SMIM14: variants seen among roughly 807,000 people sequenced by gnomAD.
SMIM14 encodes the protein chromosome 4 open reading frame 34.
In SMIM14, 5 loss-of-function variants were observed where a neutral mutation model predicts 12.6. The observed-to-expected ratio is 0.40, with a 90% CI of 0.21 to 0.83. The LOEUF (loss-of-function observed/expected upper bound fraction) is 0.83, where lower values mean the gene tolerates loss of function less well. Ranked by LOEUF, SMIM14 falls within the 40% of genes least tolerant of loss-of-function variation. The probability of loss-of-function intolerance (pLI) is 0.37; values close to 1 mark genes in which losing one functional copy is unlikely to be tolerated. For missense variants in SMIM14, 86 were observed against 119.1 expected, an observed-to-expected ratio of 0.72 and a Z score of 1.29; for synonymous variants, 30 against 40.1, an observed-to-expected ratio of 0.75 and a Z score of 0.95.
At chr4:39,580,980 T>G (rs1713464972) in intron 2 of SMIM14, among the ~76,000 whole-genome samples, 1 of 152,120 alleles carries the variant, frequency 6.6e-6, no homozygotes, top group South Asian at 2.1e-4. Context: ...CCCACAGAAT[T>G]TTTTCACATC....
Position 39,579,855 on chromosome 4 carries a change from AAAAG to A in SMIM14, c.76-7396_76-7393del, listed in dbSNP as rs1328955058. On this transcript the variant is annotated intron_variant, in intron 2 of 4. Coordinates refer to ENST00000295958, the MANE Select transcript of SMIM14 (RefSeq NM_174921.3). ...TGAGACTCCGTCTCAAAAAAAAAAA[AAAAG>A]AAAGAAAGCCTTGGCAGTCATGGGC... is the stretch of plus-strand genomic sequence containing the variant. 2.2e-3 allele frequency among the ~76,000 whole-genome samples: 327 copies of A among 151,352 alleles called. 1 individual carries two copies. The highest frequency in any genetic ancestry group is 7.6e-3 in the African/African-American group (315 of 41,290).
chr4:39,607,281 A>G (rs545633937), intron 1 of SMIM14, among the ~76,000 whole-genome samples: 1 of 152,386 alleles, frequency 6.6e-6, no homozygotes, highest in East Asian at 1.9e-4. Context: ...TTTATCAATT[A>G]TATCTCAATA....
At chr4:39,561,569 A>G (rs374836097) in intron 3 of SMIM14, among the ~76,000 whole-genome samples, 2 of 152,134 alleles carry the variant, frequency 1.3e-5, no homozygotes, top group African/African-American at 4.8e-5. Flanking sequence ...AGAGAGTTAA[A>G]CCTCAGATTC....
At chr4:39,593,767 CAGAG>C (rs1425595697) in intron 2 of SMIM14, 4 of 152,090 alleles carry the variant, frequency 2.6e-5, no homozygotes, top group African/African-American at 9.7e-5. Context: ...AACAGACAAA[CAGAG>C]AGCCAAATCA....
rs1711696986 is a variant in SMIM14 at position 39,551,399 on chromosome 4, TAA to T, written c.*725_*726del. 1 of 152,666 alleles carries T rather than the reference TAA, an allele frequency of 6.6e-6. No individual in the cohort carries two copies. The highest frequency in any genetic ancestry group is 1.9e-4 in the East Asian group (1 of 5,200). The allele number at this position is 152,666 out of a possible 1,614,324, so 9.5% of individuals were successfully genotyped here. A position where few individuals can be genotyped will look rare whatever the true frequency, so the allele number is the denominator to read the frequency against. On this transcript the variant is annotated 3_prime_UTR_variant, in exon 5 of 5. Transcript: ENST00000295958. ...TGTTGAGTGGCTTACAAATGTCATA[TAA>T]TGGACTGTAAATCATCTGCCATATT...
intron 1 of SMIM14, among the ~76,000 whole-genome samples, chr4:39,634,837 A>G (rs1476432660): frequency 4.1e-5 from 6 of 146,198 alleles, no homozygotes; most frequent in Admixed American, 1.3e-4. Flanking sequence ...TTTCCATGGG[A>G]AAAAAAAATG....
chr4:39,557,346 T>C (rs1216140549), intron 3 of SMIM14, among the ~76,000 whole-genome samples: 1 of 152,152 alleles, frequency 6.6e-6, no homozygotes, highest in Non-Finnish European at 1.5e-5. Context: ...TTTTTAGTAG[T>C]GACGACGTCT....
chr4:39,568,975 T>A (rs16995404), intron 3 of SMIM14, among the ~76,000 whole-genome samples: 16,072 of 152,200 alleles, frequency 0.11, 1,865 homozygotes, highest in African/African-American at 0.29. Context: ...CAGGAATGAC[T>A]ATATTTGGTT....
At chr4:39,611,966 C>G (rs150765471) in intron 1 of SMIM14, 1 of 151,970 alleles carries the variant, frequency 6.6e-6, no homozygotes, top group Non-Finnish European at 1.5e-5. Context: ...ATCTGCTTGC[C>G]TGAGCTAAGG....
intron 2 of SMIM14, among the ~76,000 whole-genome samples, chr4:39,579,138 G>A (rs1342743112): frequency 6.6e-6 from 1 of 152,088 alleles, no homozygotes; most frequent in Non-Finnish European, 1.5e-5. Context: ...GCCGGGTGCA[G>A]TGGCTCATCC....
intron 2 of SMIM14, among the ~76,000 whole-genome samples, chr4:39,576,869 G>A (rs1218101110): frequency 1.3e-5 from 2 of 149,600 alleles, no homozygotes; most frequent in African/African-American, 2.4e-5. Flanking sequence ...CTGCCATCAC[G>A]CCCGGCTAAT....
intron 1 of SMIM14, among the ~76,000 whole-genome samples, chr4:39,615,545 A>G (rs1715187980): frequency 6.6e-6 from 1 of 152,132 alleles, no homozygotes; most frequent in Admixed American, 6.6e-5. Flanking sequence ...TGACTTTTCA[A>G]TGTTAGGTTC....
chr4:39,631,916 T>TAA lies in SMIM14; in HGVS notation c.-36+6821_-36+6822dup, dbSNP rs780586359. Among the ~76,000 whole-genome samples, 152 of 138,824 alleles carry TAA rather than the reference T, an allele frequency of 1.1e-3. No homozygotes were observed. The Middle Eastern group carries it at 0.026, about 24-fold the overall frequency. 91.1% of individuals were successfully genotyped at this position (138,824 alleles called of 152,430 possible). On this transcript the variant is annotated intron_variant, in intron 1 of 4. Coordinates refer to ENST00000295958, the MANE Select transcript of SMIM14 (RefSeq NM_174921.3). ...ACACATCTGTGCTTTGGCCTAAATT[T>TAA]AAAAAAAAAAAAAGGAAATGAAAAT...
At chr4:39,610,880 C>G (rs1361285881) in intron 1 of SMIM14, among the ~76,000 whole-genome samples, 1 of 151,868 alleles carries the variant, frequency 6.6e-6, no homozygotes, top group Non-Finnish European at 1.5e-5. Context: ...ACATACATAA[C>G]TACAAGAAGA....
intron 1 of SMIM14, among the ~76,000 whole-genome samples, chr4:39,638,004 A>G (rs1407943162): frequency 1.3e-5 from 2 of 152,092 alleles, no homozygotes; most frequent in Non-Finnish European, 2.9e-5. Flanking sequence ...AAAACATCCT[A>G]CCGACTCTCT....
At chr4:39,624,403 T>A (rs1179449736) in intron 1 of SMIM14, among the ~76,000 whole-genome samples, 1 of 152,162 alleles carries the variant, frequency 6.6e-6, no homozygotes, top group Non-Finnish European at 1.5e-5. Flanking sequence ...GGAAGTCACA[T>A]TGTAAAATCC....
intron 2 of SMIM14, among the ~76,000 whole-genome samples, chr4:39,575,776 G>A (rs926838856): frequency 1.7e-5 from 2 of 119,642 alleles, no homozygotes; most frequent in Non-Finnish European, 3.5e-5. Flanking sequence ...TTGTATTTTT[G>A]TAGAGATGGG....
intron 1 of SMIM14, among the ~76,000 whole-genome samples, chr4:39,607,934 G>A (rs934838915): frequency 6.6e-6 from 1 of 152,122 alleles, no homozygotes; most frequent in Non-Finnish European, 1.5e-5. Context: ...AATGCTTAAA[G>A]TCAGTAATCA....
intron 1 of SMIM14, among the ~76,000 whole-genome samples, chr4:39,622,393 T>C (rs1472529179): frequency 6.6e-6 from 1 of 151,076 alleles, no homozygotes; most frequent in Non-Finnish European, 1.5e-5. Flanking sequence ...CAAATGCATG[T>C]TTTATTTTAT....
Sources: gnomAD v4.1 joint callset for allele counts (sites outside exome capture counted in the v4.1 genomes callset) on GRCh38, gnomAD v4.1.1 for gene constraint, MANE v1.5 for transcripts, NCBI Gene and HGNC (gene_info 2026-07-23, HGNC 2026-07-21) for gene names.